The following RGL1 variants were observed in gnomAD, a reference collection of about 807,000 sequenced individuals.
RGL1 encodes ral guanine nucleotide dissociation stimulator like 1.
In RGL1, 24 loss-of-function variants were observed where a neutral mutation model predicts 95.2. The observed-to-expected ratio is 0.25, with a 90% CI of 0.18 to 0.35. The LOEUF (loss-of-function observed/expected upper bound fraction) is 0.35. Among genes scored for constraint, RGL1 ranks in the 10% least tolerant of loss-of-function variants. RGL1 has a pLI of 1.00. For synonymous variants in RGL1, 329 were observed against 344.9 expected (o/e 0.95, Z 0.51); for missense variants, 715 against 936.3 (o/e 0.76, Z 3.08).
chr1:183,674,896 G>A (rs1652714587), intron 1 of RGL1, among the ~76,000 whole-genome samples: 1 of 152,090 alleles, frequency 6.6e-6, no homozygotes, highest in Admixed American at 6.6e-5. Context: ...CATATTTTCT[G>A]TCTTTTCTTT....
chr1:183,687,193 T>C (rs1376647025), intron 1 of RGL1, among the ~76,000 whole-genome samples: 1 of 152,240 alleles, frequency 6.6e-6, no homozygotes, highest in Non-Finnish European at 1.5e-5. Flanking sequence ...CTGGTATTAT[T>C]GGCTTTTGGA....
chr1:183,882,512 A>T (rs760586246), intron 5 of RGL1, among the ~76,000 whole-genome samples: 4 of 152,212 alleles, frequency 2.6e-5, no homozygotes, highest in Non-Finnish European at 4.4e-5. Flanking sequence ...ATGAAATTAG[A>T]TTGCTTAACA....
rs2102770842 is a variant in RGL1, at chr1:183,926,362, A to G, written c.*70A>G. 4 of 1,329,540 alleles carry G rather than the reference A, an allele frequency of 3.0e-6. No individual in the cohort carries two copies. Among genetic ancestry groups the G allele is most frequent in the Middle Eastern group, 2.1e-4 (1 of 4,768 alleles). 82.4% of individuals were successfully genotyped at this position (1,329,540 alleles called of 1,614,324 possible). A position where few individuals can be genotyped will look rare whatever the true frequency, so the allele number is the denominator to read the frequency against. ...CTGAGAAACAGGCTGCGGTGATTGC[A>G]ATTACCATCCGGTGTTCGAGGATCA... On this transcript the variant is annotated 3_prime_UTR_variant, in exon 18 of 18. Coordinates refer to ENST00000360851, the MANE Select transcript of RGL1 (RefSeq NM_001297671.3).
chr1:183,764,960 G>C (rs1365223437), intron 2 of RGL1, among the ~76,000 whole-genome samples: 1 of 152,154 alleles, frequency 6.6e-6, no homozygotes. Context: ...CCTCTCACAA[G>C]GAATCAGATT....
chr1:183,764,004 C>T (rs980919505), intron 2 of RGL1, among the ~76,000 whole-genome samples: 2 of 152,182 alleles, frequency 1.3e-5, no homozygotes, highest in Non-Finnish European at 2.9e-5. Flanking sequence ...TCCAATGAGA[C>T]TACCCTGCTA....
At chr1:183,757,179 A>G (rs532553900) in intron 2 of RGL1, among the ~76,000 whole-genome samples, 2 of 152,212 alleles carry the variant, frequency 1.3e-5, no homozygotes, top group Non-Finnish European at 2.9e-5. Flanking sequence ...TAAACTGGCG[A>G]ATGTCTGTAT....
chr1:183,656,108 C>CTT (rs1479187190), intron 1 of RGL1, among the ~76,000 whole-genome samples: 1 of 100,566 alleles, frequency 9.9e-6, no homozygotes, highest in Non-Finnish European at 2.2e-5. Flanking sequence ...TTTTTCTTTT[C>CTT]TTTTCTTTTT....
intron 1 of RGL1, among the ~76,000 whole-genome samples, chr1:183,717,626 G>A (rs1655705951): frequency 6.6e-6 from 1 of 152,082 alleles, no homozygotes; most frequent in Non-Finnish European, 1.5e-5. Flanking sequence ...AAATTCTATA[G>A]CAAAGGTGAA....
intron 3 of RGL1, among the ~76,000 whole-genome samples, chr1:183,860,187 T>C (rs754513909): frequency 2.0e-5 from 3 of 152,228 alleles, no homozygotes; most frequent in Non-Finnish European, 4.4e-5. Context: ...CTCTCTTTCC[T>C]TTACTTCTTC....
chr1:183,648,680 A>G (rs151221520), intron 1 of RGL1: 11 of 1,614,080 alleles, frequency 6.8e-6, no homozygotes, highest in African/African-American at 4.0e-5. Context: ...CTGTTCGAAT[A>G]TGGTAAGGAC....
At chr1:183,791,257 A>G (rs980716928) in intron 2 of RGL1, among the ~76,000 whole-genome samples, 1 of 152,232 alleles carries the variant, frequency 6.6e-6, no homozygotes, top group South Asian at 2.1e-4. Context: ...ATGAGATATT[A>G]TCTGATTTTT....
chr1:183,853,337 A>T (rs888510401), intron 3 of RGL1, among the ~76,000 whole-genome samples: 3 of 152,154 alleles, frequency 2.0e-5, no homozygotes, highest in Non-Finnish European at 2.9e-5. Flanking sequence ...TAAAAGAAAA[A>T]AAAAGTAAGC....
intron 2 of RGL1, among the ~76,000 whole-genome samples, chr1:183,780,909 T>A (rs1026966405): frequency 8.5e-5 from 13 of 152,228 alleles, no homozygotes; most frequent in Admixed American, 3.9e-4. Context: ...TCCGTGGCAA[T>A]GGAGCCACCA....
chr1:183,736,966 G>A (rs1343900979), intron 1 of RGL1, among the ~76,000 whole-genome samples: 1 of 151,952 alleles, frequency 6.6e-6, no homozygotes, highest in Non-Finnish European at 1.5e-5. Context: ...AAGAGGAGGA[G>A]GAGGAGAAAA....
chr1:183,739,021 T>A lies in RGL1; in HGVS notation c.-32-3105T>A, dbSNP rs1309069342. On this transcript the variant is annotated intron_variant, in intron 1 of 18. Coordinates refer to the RGL1 transcript ENST00000304685. ...TGTGGGGCTCAGTGCAAAATGAAAATAGAAGTCCCCTTGTTCAAAAATTAA... is the reference window on the plus strand; with the variant it reads ...TGTGGGGCTCAGTGCAAAATGAAAAAAGAAGTCCCCTTGTTCAAAAATTAA... Among the ~76,000 whole-genome samples the A allele has an allele frequency of 5.9e-5, 9 of 152,260 alleles. No individual in the cohort carries two copies. The South Asian group carries it at 1.9e-3, about 32-fold the overall frequency.
At chr1:183,897,512 G>T (rs1334724163) in intron 9 of RGL1, among the ~76,000 whole-genome samples, 1 of 151,622 alleles carries the variant, frequency 6.6e-6, no homozygotes, top group Admixed American at 6.6e-5. Flanking sequence ...TTGCGCCACT[G>T]CACTCCAGCC....
At chr1:183,674,643 C>T (rs1276403312) in intron 1 of RGL1, among the ~76,000 whole-genome samples, 1 of 152,176 alleles carries the variant, frequency 6.6e-6, no homozygotes, top group East Asian at 1.9e-4. Flanking sequence ...AGAGAATAAC[C>T]CCTGGTCTTC....
intron 2 of RGL1, among the ~76,000 whole-genome samples, chr1:183,794,287 A>T (rs926277869): frequency 3.9e-5 from 6 of 151,910 alleles, no homozygotes; most frequent in African/African-American, 9.7e-5. Context: ...AGGCTGGAAA[A>T]GGTGGAGAGG....
At chr1:183,647,011 C>A (rs1484433574) in intron 1 of RGL1, 2 of 152,194 alleles carry the variant, frequency 1.3e-5, no homozygotes, top group Non-Finnish European at 2.9e-5. Flanking sequence ...TATGTGATGA[C>A]AGGAGCCATT....
Sources: allele counts gnomAD v4.1 joint callset (sites outside exome capture counted in the v4.1 genomes callset), GRCh38; gene constraint gnomAD v4.1.1; transcripts MANE v1.5; gene names NCBI Gene and HGNC (gene_info 2026-07-23, HGNC 2026-07-21).